SLC33A1: variants seen among roughly 807,000 people sequenced by gnomAD.
SLC33A1 encodes the protein acetyl-coenzyme A transporter 1.
A neutral mutation model predicts 50.0 loss-of-function variants in SLC33A1; 20 were observed. The observed-to-expected ratio is 0.40, with a 90% confidence interval of 0.28 to 0.58. The LOEUF (loss-of-function observed/expected upper bound fraction) is 0.58. SLC33A1 is among the 20% of genes least tolerant of loss of function. The pLI is 0.44. For missense variants in SLC33A1, 476 were observed against 657.0 expected (o/e 0.72, Z 3.01); for synonymous variants, 265 against 251.8 (o/e 1.05, Z -0.50).
Position 155,825,278 on chromosome 3 carries a change from T to C in SLC33A1, c.*2932A>G, listed in dbSNP as rs1752175116. ...AACCCTCCCGCCTAAGCTTCCCAAG[T>C]AGCTGGGACTACTGGTGTGTACCAC... is the stretch of plus-strand genomic sequence containing the variant. On this transcript the variant is annotated 3_prime_UTR_variant, in exon 6 of 6. Transcript: ENST00000643144. 1 of 151,502 alleles carries C rather than the reference T, an allele frequency of 6.6e-6. No individual in the cohort carries two copies. The highest frequency in any genetic ancestry group is 2.4e-5 in the African/African-American group (1 of 41,152). The allele number at this position is 151,502 out of a possible 1,614,324, so 9.4% of individuals were successfully genotyped here. A position where few individuals can be genotyped will look rare whatever the true frequency, so the allele number is the denominator to read the frequency against.
In SLC33A1 at chr3:155,842,453, G is replaced by A. The variant is rs1752970864; in HGVS notation, c.942C>T (p.Cys314=). 6.2e-7 allele frequency: 1 copy of A among 1,610,314 alleles called. No homozygotes were observed. The highest frequency in any genetic ancestry group is 8.5e-7 in the Non-Finnish European group (1 of 1,177,256). The change falls in exon 2 of 6, where the codon TGC becomes TGT. Residue 314 remains cysteine (C), a synonymous_variant. Transcript: ENST00000643144. The stretch of plus-strand genomic sequence containing the variant: ...TTACCTTTGCAGTTAGAATCAGAAG[G>A]CAAAATGTCAGAACTGCTGGCATTT... ...IIKMPAVLTF[C]LLILTAKIGF... is the part of the protein sequence containing the mutation.
rs1752080263 is a variant in SLC33A1 at position 155,821,256 on chromosome 3, A to G, written c.*6954T>C. 1 of 152,246 alleles carries G rather than the reference A, an allele frequency of 6.6e-6. No individual in the cohort carries two copies. Among genetic ancestry groups the G allele is most frequent in the Non-Finnish European group, 1.5e-5 (1 of 68,038 alleles). 9.4% of individuals were successfully genotyped at this position (152,246 alleles called of 1,614,324 possible). On this transcript the variant is annotated 3_prime_UTR_variant, in exon 6 of 6. Coordinates refer to ENST00000643144, the MANE Select transcript of SLC33A1 (RefSeq NM_004733.4). ...TAATGCTAGATATTCCAAAAGTGGT[A>G]ACAGAAATGATTGTGTGCTGTGTAT...
rs770635477 is a variant in SLC33A1 at position 155,828,224 on chromosome 3, T to C, written c.1636A>G (p.Lys546Glu). 3.7e-6 allele frequency: 6 copies of C among 1,612,688 alleles called. No individual in the cohort carries two copies. The African/African-American group carries it at 4.0e-5, about 11-fold the overall frequency. The change falls in exon 6 of 6, where the codon AAA becomes GAA. Residue 546 changes from lysine (K) to glutamate (E), a missense_variant. Physicochemically the swap from Lys to Glu is moderately conservative, Grantham distance 56 (BLOSUM62 1). Transcript: ENST00000643144. ...QDEGSSSWKC[K>E]RNN The stretch of plus-strand genomic sequence containing the variant: ...TAGCATATATATTAATTGTTCCTTT[T>C]GCATTTCCACGAAGATGATCCTTCA...
chr3:155,837,355 CAAAAAAAA>C (rs370005455), intron 2 of SLC33A1, among the ~76,000 whole-genome samples: 1 of 69,382 alleles, frequency 1.4e-5, no homozygotes. Context: ...GACTCCGTCT[CAAAAAAAA>C]AAAAAAAAAA....
intron 2 of SLC33A1, among the ~76,000 whole-genome samples, chr3:155,839,992 A>T (rs1010777233): frequency 2.6e-5 from 4 of 152,156 alleles, no homozygotes; most frequent in Non-Finnish European, 1.5e-5. Flanking sequence ...TATGAAGTAT[A>T]CGTATACACA....
At chr3:155,828,964 G>A (rs1047115907) in intron 5 of SLC33A1, among the ~76,000 whole-genome samples, 16 of 149,926 alleles carry the variant, frequency 1.1e-4, no homozygotes, top group Admixed American at 4.0e-4. Flanking sequence ...GTACAGGGGC[G>A]CGATCTCAGC....
chr3:155,834,271 G>A (rs571468449), intron 2 of SLC33A1, among the ~76,000 whole-genome samples: 29 of 152,244 alleles, frequency 1.9e-4, no homozygotes, highest in Non-Finnish European at 3.2e-4. Context: ...TACTGGTAGG[G>A]ATGGTAGATG....
At chr3:155,844,457 A>ATT (rs869180951) in intron 1 of SLC33A1, among the ~76,000 whole-genome samples, 3 of 33,586 alleles carry the variant, frequency 8.9e-5, no homozygotes, top group Non-Finnish European at 1.2e-4. Context: ...ATATATATAT[A>ATT]TTTTTTTTTT....
chr3:155,846,917 G>T (rs1248847329), intron 1 of SLC33A1, among the ~76,000 whole-genome samples: 1 of 151,668 alleles, frequency 6.6e-6, no homozygotes, highest in African/African-American at 2.4e-5. Flanking sequence ...ACTTTAATGA[G>T]AATAAATAGG....
chr3:155,842,705 T>C, intron 1 of SLC33A1, 86 bp from the exon 2 acceptor site: 1 of 790,412 alleles, frequency 1.3e-6, no homozygotes, highest in Non-Finnish European at 1.9e-6. Flanking sequence ...TAACTTTCAA[T>C]TAAAATGTTA....
intron 2 of SLC33A1, among the ~76,000 whole-genome samples, chr3:155,837,570 AGTCACGTAT>A (rs1317483897): frequency 6.6e-6 from 1 of 152,200 alleles, no homozygotes; most frequent in Non-Finnish European, 1.5e-5. Flanking sequence ...CTTCACCAAA[AGTCACGTAT>A]GTGAATGTTT....
At position 155,853,916 on chromosome 3, in the gene SLC33A1, C is replaced by CGCCTGGCG; in HGVS notation, c.81_82insCGCCAGGC (p.Gly28ArgfsTer38). ...TCCCAACCGCCTGGCGGCAGGGGAC[C>CGCCTGGCG]GCTCTTCATATCCAGAGAGTGACTG... On this transcript the variant is annotated frameshift_variant, in exon 1 of 6. Coordinates refer to ENST00000643144, the MANE Select transcript of SLC33A1 (RefSeq NM_004733.4). LOFTEE classifies it high-confidence loss of function. 6.5e-7 allele frequency: 1 copy of CGCCTGGCG among 1,542,940 alleles called. No homozygotes were observed. The highest frequency in any genetic ancestry group is 8.7e-7 in the Non-Finnish European group (1 of 1,148,858).
intron 1 of SLC33A1, among the ~76,000 whole-genome samples, chr3:155,850,857 T>C (rs570142724): frequency 2.2e-3 from 338 of 152,032 alleles, no homozygotes; most frequent in Non-Finnish European, 3.7e-3. Flanking sequence ...TCTCAGGTGA[T>C]CTGTCCACCT....
intron 1 of SLC33A1, chr3:155,845,139 GT>G (rs1165169739): frequency 6.6e-6 from 1 of 152,046 alleles, no homozygotes; most frequent in African/African-American, 2.4e-5. Context: ...AAAAGTAAAA[GT>G]TTTCCAGTTA....
Position 155,854,025 on chromosome 3 carries a change from T to TG in SLC33A1, c.-29dup. 4 of 1,524,154 alleles carry TG rather than the reference T, an allele frequency of 2.6e-6. No individual in the cohort carries two copies. The highest frequency in any genetic ancestry group is 2.3e-5 in the Admixed American group (1 of 44,208). The allele number at this position is 1,524,154 out of a possible 1,614,324, so 94.4% of individuals were successfully genotyped here. ...CAGAGACGATGCAGAGCCCCGTCTG[T>TG]GGGGGGCCGAGGCTGAGCGTTTTGG... On this transcript the variant is annotated 5_prime_UTR_variant, in exon 1 of 6. Transcript: ENST00000643144.
chr3:155,830,042 G>A, intron 4 of SLC33A1, 139 bp from the exon 5 acceptor site: 1 of 662,304 alleles, frequency 1.5e-6, no homozygotes, highest in East Asian at 2.8e-5. Flanking sequence ...TACTTATCAA[G>A]CACCTACTAT....
chr3:155,835,883 C>G (rs1474996564), intron 2 of SLC33A1, among the ~76,000 whole-genome samples: 1 of 152,178 alleles, frequency 6.6e-6, no homozygotes. Flanking sequence ...GTTAACCTCA[C>G]TCTTTGTGTG....
In SLC33A1 at chr3:155,821,477, T is replaced by C. The variant is rs11921267; in HGVS notation, c.*6733A>G. The C allele has an allele frequency of 0.21, 31,359 of 152,246 alleles. 3,779 individuals carry two copies. The highest frequency in any genetic ancestry group is 0.41 in the South Asian group (1,958 of 4,828). The allele number at this position is 152,246 out of a possible 1,614,324, so 9.4% of individuals were successfully genotyped here. On this transcript the variant is annotated 3_prime_UTR_variant, in exon 6 of 6. Coordinates refer to ENST00000643144, the MANE Select transcript of SLC33A1 (RefSeq NM_004733.4). ...ATTTACCAAATATGCCACTTCCTTT[T>C]TTTTTTTGAGACAGAGTTTCGCTCT...
Position 155,834,275 on chromosome 3 carries a change from G to A in SLC33A1, c.964-234C>T, listed in dbSNP as rs922852112. Among the ~76,000 whole-genome samples, 6 of 152,136 alleles carry A rather than the reference G, an allele frequency of 3.9e-5. No homozygotes were observed. The South Asian group carries it at 8.3e-4, about 21-fold the overall frequency. ...TGAAAATTCAGTACTGGTAGGGATG[G>A]TAGATGGCTATAAATACAACTAAAT... On this transcript the variant is annotated intron_variant, in intron 2 of 5. Coordinates refer to ENST00000643144, the MANE Select transcript of SLC33A1 (RefSeq NM_004733.4).
Sources: gnomAD v4.1 joint callset for allele counts (sites outside exome capture counted in the v4.1 genomes callset) on GRCh38, gnomAD v4.1.1 for gene constraint, MANE v1.5 for transcripts, NCBI Gene and HGNC (gene_info 2026-07-23, HGNC 2026-07-21) for gene names.